Variants in NCAM1 observed in about 807,000 individuals in gnomAD.
NCAM1 encodes antigen recognized by monoclonal antibody 5.1H11.
A neutral mutation model predicts 109.8 loss-of-function variants in NCAM1; 14 were observed. That is an observed-to-expected ratio of 0.13 (90% confidence interval 0.08 to 0.20). The LOEUF (loss-of-function observed/expected upper bound fraction) is 0.20, where lower values mean the gene tolerates loss of function less well. Ranked by LOEUF, NCAM1 falls within the 10% of genes least tolerant of loss-of-function variation. The pLI, the probability that NCAM1 is intolerant of heterozygous loss-of-function variation, is 1.00. For synonymous variants in NCAM1, 418 were observed against 442.9 expected, an observed-to-expected ratio of 0.94 and a Z score of 0.70; for missense variants, 774 against 1,109.9, an observed-to-expected ratio of 0.70 and a Z score of 4.30.
intron 1 of NCAM1, among the ~76,000 whole-genome samples, chr11:113,106,440 G>T (rs1019923976): frequency 1.3e-5 from 2 of 152,176 alleles, no homozygotes; most frequent in Admixed American, 6.5e-5. Context: ...ATCCTACATA[G>T]GGTGGCTCTT....
chr11:113,167,784 G>A (rs11214526), intron 1 of NCAM1, among the ~76,000 whole-genome samples: 9,737 of 152,176 alleles, frequency 0.064, 635 homozygotes, highest in African/African-American at 0.16. Flanking sequence ...CTGGCACTCT[G>A]CCAGGTTGGC....
At chr11:113,135,233 G>T (rs1941554888) in intron 1 of NCAM1, among the ~76,000 whole-genome samples, 1 of 152,082 alleles carries the variant, frequency 6.6e-6, no homozygotes, top group South Asian at 2.1e-4. Context: ...GGCAGAGTTG[G>T]GGTTCACCTT....
chr11:113,228,935 A>AT (rs1459446390), intron 9 of NCAM1, among the ~76,000 whole-genome samples: 2 of 152,224 alleles, frequency 1.3e-5, no homozygotes, highest in African/African-American at 4.8e-5. Context: ...AATTAATTCA[A>AT]GATGGATTAA....
rs117557903 is a variant in NCAM1 at position 113,250,318 on chromosome 11, C to T, written c.1828+3948C>T. ...GAATGTATGCAACATAGATCACATCCGATTCTTTTGTTTGTCGTCGAGGGC... is the reference window on the plus strand; with the variant it reads ...GAATGTATGCAACATAGATCACATCTGATTCTTTTGTTTGTCGTCGAGGGC... On this transcript the variant is annotated intron_variant, in intron 15 of 19. Transcript: ENST00000316851. 2.6e-5 allele frequency among the ~76,000 whole-genome samples: 4 copies of T among 152,268 alleles called. No homozygotes were observed. The East Asian group carries it at 5.8e-4, about 22-fold the overall frequency.
At chr11:113,160,735 A>G (rs1257811296) in intron 1 of NCAM1, among the ~76,000 whole-genome samples, 17 of 152,266 alleles carry the variant, frequency 1.1e-4, no homozygotes, top group African/African-American at 4.1e-4. Flanking sequence ...AGATGGCTGT[A>G]CCGGTTCCAA....
At chr11:113,239,775 A>G (rs1295086157) in intron 14 of NCAM1, among the ~76,000 whole-genome samples, 1 of 152,192 alleles carries the variant, frequency 6.6e-6, no homozygotes, top group African/African-American at 2.4e-5. Context: ...AATAATGATG[A>G]GTTATGATTC....
chr11:112,966,225 C>T (rs1950724290), intron 1 of NCAM1, among the ~76,000 whole-genome samples: 1 of 152,144 alleles, frequency 6.6e-6, no homozygotes, highest in Non-Finnish European at 1.5e-5. Flanking sequence ...ACATTAATCA[C>T]GTGGCTGTAT....
chr11:113,244,233 T>C (rs1489182465), intron 14 of NCAM1, among the ~76,000 whole-genome samples: 4 of 152,162 alleles, frequency 2.6e-5, no homozygotes, highest in Non-Finnish European at 4.4e-5. Flanking sequence ...TCACTGTAGG[T>C]TGGTCTTCTC....
chr11:113,120,339 G>C (rs1940904683), intron 1 of NCAM1, among the ~76,000 whole-genome samples: 1 of 152,168 alleles, frequency 6.6e-6, no homozygotes, highest in Non-Finnish European at 1.5e-5. Context: ...TCCGGTAGAA[G>C]TATCCTTATC....
At chr11:112,989,891 A>T (rs1483915364) in intron 1 of NCAM1, among the ~76,000 whole-genome samples, 2 of 152,250 alleles carry the variant, frequency 1.3e-5, no homozygotes, top group Non-Finnish European at 2.9e-5. Context: ...AGATGCAGTC[A>T]AGATTTATCT....
At chr11:113,021,805 G>T (rs899531991) in intron 1 of NCAM1, among the ~76,000 whole-genome samples, 3 of 152,104 alleles carry the variant, frequency 2.0e-5, no homozygotes, top group Non-Finnish European at 4.4e-5. Context: ...ATTTTGCTTT[G>T]CTTGGCTAGC....
At chr11:113,006,050 A>G (rs952096374) in intron 1 of NCAM1, among the ~76,000 whole-genome samples, 17 of 152,276 alleles carry the variant, frequency 1.1e-4, no homozygotes, top group African/African-American at 4.1e-4. Flanking sequence ...GGAGTTTTGT[A>G]TCATATTGCT....
intron 1 of NCAM1, among the ~76,000 whole-genome samples, chr11:113,140,337 TC>T (rs1555100188): frequency 6.6e-6 from 1 of 152,138 alleles, no homozygotes; most frequent in Admixed American, 6.5e-5. Flanking sequence ...TTGAACACTG[TC>T]CCATGGATGG....
rs1423308934 is a variant in NCAM1 at position 113,233,434 on chromosome 11, G to A, written c.1693+117G>A. The A allele has an allele frequency of 1.8e-6, 2 of 1,139,696 alleles. No homozygotes were observed. The highest frequency in any genetic ancestry group is 2.5e-6 in the Non-Finnish European group (2 of 802,800). 70.6% of individuals were successfully genotyped at this position (1,139,696 alleles called of 1,614,324 possible). ...ATCAGGAACTGCACCTCCAGAATTA[G>A]GTCAAAGTCATATCTGCCTGTAGAG... On this transcript the variant is annotated intron_variant, in intron 13 of 19. Transcript: ENST00000316851. The surrounding 1 kb of genome is among the most constrained non-coding windows in gnomAD (Gnocchi z 4.5).
intron 1 of NCAM1, among the ~76,000 whole-genome samples, chr11:113,172,651 C>G (rs782170491): frequency 2.0e-5 from 3 of 152,090 alleles, no homozygotes; most frequent in Non-Finnish European, 4.4e-5. Context: ...GGGTTGATAG[C>G]AAAAATTATG....
chr11:113,020,101 C>T (rs1308175190), intron 1 of NCAM1, among the ~76,000 whole-genome samples: 1 of 152,216 alleles, frequency 6.6e-6, no homozygotes, highest in East Asian at 1.9e-4. Context: ...ATGCAGTCCT[C>T]ATCCCAGTTC....
intron 1 of NCAM1, among the ~76,000 whole-genome samples, chr11:113,037,860 G>T (rs1952942637): frequency 6.6e-6 from 1 of 152,188 alleles, no homozygotes; most frequent in Non-Finnish European, 1.5e-5. Context: ...CTCCATGAGT[G>T]CCAGATACAT....
At chr11:113,047,864 A>G (rs895995124) in intron 1 of NCAM1, among the ~76,000 whole-genome samples, 4 of 152,148 alleles carry the variant, frequency 2.6e-5, no homozygotes, top group Non-Finnish European at 4.4e-5. Context: ...ACCTGCCCCC[A>G]TGATTAAATT....
intron 1 of NCAM1, among the ~76,000 whole-genome samples, chr11:113,083,992 G>T (rs186802033): frequency 1.3e-5 from 2 of 152,344 alleles, no homozygotes. Flanking sequence ...GAATAGAAAT[G>T]AAAGGAATGC....
Sources: gnomAD v4.1 joint callset for allele counts (sites outside exome capture counted in the v4.1 genomes callset) on GRCh38, gnomAD v4.1.1 for gene constraint, Gnocchi (gnomAD v3.1) non-coding constraint, MANE v1.5 for transcripts, NCBI Gene and HGNC (gene_info 2026-07-23, HGNC 2026-07-21) for gene names.